The following TEKT5 variants were observed in gnomAD, a reference collection of about 807,000 sequenced individuals.
TEKT5 encodes the protein tektin-5.
Under a neutral mutation model 48.7 loss-of-function variants are expected in TEKT5, and 52 were observed. That is an observed-to-expected ratio of 1.07 (90% CI 0.86 to 1.35). The LOEUF (loss-of-function observed/expected upper bound fraction) is 1.35, where lower values mean the gene tolerates loss of function less well. Among genes scored for constraint, TEKT5 ranks in the 40% most tolerant of loss-of-function variants. TEKT5 has a pLI of 0.00. For synonymous variants in TEKT5, 318 were observed against 267.6 expected (o/e 1.19, Z -1.84); for missense variants, 831 against 641.6 (o/e 1.30, Z -3.19).
At chr16:10,662,471 A>G (rs895217963) in intron 5 of TEKT5, among the ~76,000 whole-genome samples, 2 of 152,192 alleles carry the variant, frequency 1.3e-5, no homozygotes, top group Admixed American at 6.6e-5. Context: ...GGTTAACCAC[A>G]AACAACTCAC....
chr16:10,644,828 T>C (rs1898046471), intron 5 of TEKT5, among the ~76,000 whole-genome samples: 1 of 152,206 alleles, frequency 6.6e-6, no homozygotes, highest in Non-Finnish European at 1.5e-5. Context: ...TGTTCTGTAA[T>C]GGACTGCCTG....
intron 5 of TEKT5, 71 bp from the exon 6 acceptor site, chr16:10,635,989 G>A (rs1400505947): frequency 6.3e-7 from 1 of 1,576,634 alleles, no homozygotes; most frequent in Non-Finnish European, 8.6e-7. Context: ...GGCCTGGGGG[G>A]AGCAAGTCAG....
At chr16:10,666,513 C>T (rs576135212) in intron 5 of TEKT5, among the ~76,000 whole-genome samples, 4 of 152,332 alleles carry the variant, frequency 2.6e-5, no homozygotes, top group African/African-American at 7.2e-5. Flanking sequence ...ACTATAGCAA[C>T]CAAAAATGCC....
Position 10,662,789 on chromosome 16 carries a change from T to G in TEKT5, c.1086+13170A>C, listed in dbSNP as rs9938962. Among the ~76,000 whole-genome samples, 879 of 152,296 alleles carry G rather than the reference T, an allele frequency of 5.8e-3. 12 individuals are homozygous for G. The highest frequency in any genetic ancestry group is 0.02 in the African/African-American group (848 of 41,574). ...CTGGAGTGGTTAGTGGTGGGGACTT[T>G]AGGCAAATCACTTTTTGTAATGAGT... is the stretch of plus-strand genomic sequence containing the variant. On this transcript the variant is annotated intron_variant, in intron 5 of 6. Coordinates refer to ENST00000283025, the MANE Select transcript of TEKT5 (RefSeq NM_144674.2).
At chr16:10,648,088 G>A (rs1394959214) in intron 5 of TEKT5, among the ~76,000 whole-genome samples, 4 of 152,162 alleles carry the variant, frequency 2.6e-5, no homozygotes, top group African/African-American at 7.2e-5. Flanking sequence ...AAATGCCTTT[G>A]ATGTACAGCA....
intron 6 of TEKT5, among the ~76,000 whole-genome samples, chr16:10,633,336 G>C (rs1376527481): frequency 6.6e-6 from 1 of 152,074 alleles, no homozygotes; most frequent in Non-Finnish European, 1.5e-5. Context: ...ACTCCAGCCT[G>C]GGCAACAGAG....
At chr16:10,645,307 C>T (rs1251183467) in intron 5 of TEKT5, among the ~76,000 whole-genome samples, 2 of 151,096 alleles carry the variant, frequency 1.3e-5, no homozygotes, top group Non-Finnish European at 3.0e-5. Context: ...CCCAGGAGTT[C>T]GAGACCAGCC....
intron 6 of TEKT5, among the ~76,000 whole-genome samples, chr16:10,628,482 G>A (rs1437639469): frequency 6.6e-6 from 1 of 152,214 alleles, no homozygotes; most frequent in Non-Finnish European, 1.5e-5. Flanking sequence ...GTACATGAAT[G>A]TTCACGGCAG....
chr16:10,650,219 G>A (rs1409800448), intron 5 of TEKT5, among the ~76,000 whole-genome samples: 1 of 151,810 alleles, frequency 6.6e-6, no homozygotes, highest in African/African-American at 2.4e-5. Flanking sequence ...ACAAGTAGCT[G>A]GGATTACAGT....
At chr16:10,674,375 T>G (rs1313743499) in intron 5 of TEKT5, among the ~76,000 whole-genome samples, 2 of 152,106 alleles carry the variant, frequency 1.3e-5, no homozygotes, top group Admixed American at 6.5e-5. Flanking sequence ...GGCTCACGCC[T>G]GTAATCCTAA....
chr16:10,667,272 C>G (rs756566332), intron 5 of TEKT5, among the ~76,000 whole-genome samples: 2 of 152,218 alleles, frequency 1.3e-5, no homozygotes, highest in Non-Finnish European at 2.9e-5. Flanking sequence ...GCATGAGCCA[C>G]CACGCCTGGC....
intron 5 of TEKT5, among the ~76,000 whole-genome samples, chr16:10,658,258 G>A (rs927397545): frequency 5.9e-5 from 9 of 152,138 alleles, no homozygotes; most frequent in African/African-American, 9.7e-5. Flanking sequence ...CAGGGATTCC[G>A]TTCCTGGGAA....
Position 10,627,712 on chromosome 16 carries a change from C to T in TEKT5, c.1329G>A (p.Leu443=). The change falls in exon 7 of 7, where the codon CTG becomes CTA. Residue 443 remains leucine (L), a synonymous_variant. Transcript: ENST00000283025. ...GCTCCAGCCGGCACTTGGTCATGACCAGCAGCTGCAGCGTGTCCTGTGTCT... is the reference window on the plus strand; with the variant it reads ...GCTCCAGCCGGCACTTGGTCATGACTAGCAGCTGCAGCGTGTCCTGTGTCT... The part of the protein sequence containing the change: ...LRETQDTLQL[L]VMTKCRLEHE... 1.9e-6 allele frequency: 3 copies of T among 1,614,244 alleles called. No individual in the cohort carries two copies. Among genetic ancestry groups the T allele is most frequent in the Non-Finnish European group, 2.5e-6 (3 of 1,180,050 alleles).
chr16:10,653,490 G>T (rs1046560883), intron 5 of TEKT5, among the ~76,000 whole-genome samples: 1 of 152,248 alleles, frequency 6.6e-6, no homozygotes, highest in East Asian at 1.9e-4. Flanking sequence ...ACTTCCTGCT[G>T]TGTGACCTTG....
intron 5 of TEKT5, among the ~76,000 whole-genome samples, chr16:10,674,985 T>C (rs1329496022): frequency 6.6e-6 from 1 of 152,016 alleles, no homozygotes; most frequent in Non-Finnish European, 1.5e-5. Flanking sequence ...CCACCACACC[T>C]GGCTAATTTT....
intron 5 of TEKT5, among the ~76,000 whole-genome samples, chr16:10,645,779 G>C (rs1324797228): frequency 6.6e-6 from 1 of 152,156 alleles, no homozygotes; most frequent in Non-Finnish European, 1.5e-5. Flanking sequence ...TGGACTGCAA[G>C]ACTGGGCAAC....
intron 5 of TEKT5, among the ~76,000 whole-genome samples, chr16:10,648,242 C>T (rs1898100637): frequency 6.6e-6 from 1 of 152,200 alleles, no homozygotes; most frequent in Admixed American, 6.5e-5. Flanking sequence ...AAGACTCTTA[C>T]ATGAATCATC....
intron 5 of TEKT5, among the ~76,000 whole-genome samples, chr16:10,675,408 G>C (rs903776019): frequency 6.6e-6 from 1 of 152,158 alleles, no homozygotes; most frequent in African/African-American, 2.4e-5. Flanking sequence ...GTGTGAAAAA[G>C]CATGACGCAA....
chr16:10,667,667 C>T (rs1287604219), intron 5 of TEKT5, among the ~76,000 whole-genome samples: 1 of 152,162 alleles, frequency 6.6e-6, no homozygotes, highest in Non-Finnish European at 1.5e-5. Context: ...TCCCAAATTT[C>T]AGGTACTGGG....
Sources: gnomAD v4.1 joint callset for allele counts (sites outside exome capture counted in the v4.1 genomes callset) on GRCh38, gnomAD v4.1.1 for gene constraint, MANE v1.5 for transcripts, NCBI Gene and HGNC (gene_info 2026-07-23, HGNC 2026-07-21) for gene names.